Variants in GRM7 observed in about 807,000 individuals in gnomAD.
The protein encoded by GRM7 is metabotropic glutamate receptor 7.
In GRM7, 35 loss-of-function variants were observed where a neutral mutation model predicts 84.5. The ratio of observed to expected loss-of-function variants is 0.41; its 90% CI spans 0.32 to 0.55. The LOEUF is 0.55. Among genes scored for constraint, GRM7 ranks in the 20% least tolerant of loss-of-function variants. The pLI is 0.19. For synonymous variants in GRM7, 487 were observed against 455.1 expected (o/e 1.07, Z -0.89); for missense variants, 1,003 against 1,194.6 (o/e 0.84, Z 2.36).
intron 1 of GRM7, among the ~76,000 whole-genome samples, chr3:7,093,507 G>A (rs754636064): frequency 1.3e-5 from 2 of 150,886 alleles, no homozygotes; most frequent in Non-Finnish European, 3.0e-5. Flanking sequence ...GTGAAACCCC[G>A]TCTCTAATAA....
At chr3:7,481,838 A>G (rs1324437845) in intron 7 of GRM7, among the ~76,000 whole-genome samples, 1 of 152,240 alleles carries the variant, frequency 6.6e-6, no homozygotes, top group African/African-American at 2.4e-5. Context: ...TGTGCACTGC[A>G]GAAAGCATAG....
At chr3:6,920,738 C>G (rs1697096767) in intron 1 of GRM7, among the ~76,000 whole-genome samples, 1 of 152,112 alleles carries the variant, frequency 6.6e-6, no homozygotes, top group Admixed American at 6.5e-5. Flanking sequence ...GGGTCTCCTT[C>G]TCCTTTTGGA....
intron 1 of GRM7, among the ~76,000 whole-genome samples, chr3:7,010,296 C>CA (rs1559382082): frequency 1.3e-5 from 2 of 151,932 alleles, no homozygotes; most frequent in South Asian, 2.1e-4. Context: ...ACTAAAAATA[C>CA]AAAAAAAATT....
intron 4 of GRM7, among the ~76,000 whole-genome samples, chr3:7,317,980 TGAA>T (rs1468426838): frequency 2.0e-5 from 3 of 151,948 alleles, no homozygotes; most frequent in Non-Finnish European, 4.4e-5. Flanking sequence ...GAGGAGAGTT[TGAA>T]GAAGAACAAG....
chr3:7,585,058 C>A (rs1348936976), intron 8 of GRM7, among the ~76,000 whole-genome samples: 1 of 152,136 alleles, frequency 6.6e-6, no homozygotes, highest in African/African-American at 2.4e-5. Flanking sequence ...TCTCTTCTAG[C>A]ATGCTTAGTA....
intron 3 of GRM7, among the ~76,000 whole-genome samples, chr3:7,303,577 A>T (rs1328068387): frequency 6.6e-6 from 1 of 152,130 alleles, no homozygotes; most frequent in African/African-American, 2.4e-5. Context: ...GCACTACAGC[A>T]TCAAGTATTT....
intron 5 of GRM7, among the ~76,000 whole-genome samples, chr3:7,446,737 G>T (rs1322699833): frequency 6.6e-6 from 1 of 152,030 alleles, no homozygotes; most frequent in African/African-American, 2.4e-5. Context: ...TGGGATTACT[G>T]GCGTGAGCTA....
At chr3:6,902,733 G>T (rs1447992078) in intron 1 of GRM7, among the ~76,000 whole-genome samples, 1 of 152,052 alleles carries the variant, frequency 6.6e-6, no homozygotes, top group Non-Finnish European at 1.5e-5. Context: ...CATCCAAGCA[G>T]TGTCTACTTG....
At chr3:7,669,384 A>C (rs1699833667) in intron 8 of GRM7, among the ~76,000 whole-genome samples, 1 of 152,196 alleles carries the variant, frequency 6.6e-6, no homozygotes, top group Admixed American at 6.5e-5. Flanking sequence ...ACATGTGCAA[A>C]GGGCTTAAGG....
chr3:7,658,877 T>G (rs2125121293), intron 8 of GRM7, among the ~76,000 whole-genome samples: 1 of 152,306 alleles, frequency 6.6e-6, no homozygotes, highest in Admixed American at 6.5e-5. Context: ...CAATTCTAAT[T>G]TATAAAAAGA....
intron 9 of GRM7, among the ~76,000 whole-genome samples, chr3:7,683,710 A>C (rs954532757): frequency 2.0e-5 from 3 of 152,252 alleles, no homozygotes; most frequent in African/African-American, 7.2e-5. Flanking sequence ...TTTGAAATAT[A>C]GCTACTCAAC....
At chr3:7,130,710 C>G (rs556142375) in intron 1 of GRM7, among the ~76,000 whole-genome samples, 1 of 152,048 alleles carries the variant, frequency 6.6e-6, no homozygotes, top group Non-Finnish European at 1.5e-5. Flanking sequence ...AGCAGTCAAC[C>G]TAAAATGCAA....
At chr3:7,316,443 G>A (rs9829141) in intron 4 of GRM7, among the ~76,000 whole-genome samples, 9,201 of 152,010 alleles carry the variant, frequency 0.061, 733 homozygotes, top group African/African-American at 0.18. Flanking sequence ...AACAACCACC[G>A]CAACAAAAAA....
intron 2 of GRM7, among the ~76,000 whole-genome samples, chr3:7,202,400 G>A (rs1259421612): frequency 6.6e-6 from 1 of 151,988 alleles, no homozygotes; most frequent in African/African-American, 2.4e-5. Context: ...GTGCAATCTC[G>A]GCTTACTGCA....
intron 1 of GRM7, among the ~76,000 whole-genome samples, chr3:6,974,304 T>C (rs987614009): frequency 6.6e-6 from 1 of 152,180 alleles, no homozygotes; most frequent in African/African-American, 2.4e-5. Context: ...TGACATGTTA[T>C]GTTCATCATC....
chr3:6,882,190 A>G (rs1360976692), intron 1 of GRM7, among the ~76,000 whole-genome samples: 1 of 152,188 alleles, frequency 6.6e-6, no homozygotes, highest in Non-Finnish European at 1.5e-5. Context: ...AACTTTTACC[A>G]ATTCCAAATG....
At chr3:7,078,709 A>G (rs1698176231) in intron 1 of GRM7, among the ~76,000 whole-genome samples, 2 of 152,192 alleles carry the variant, frequency 1.3e-5, no homozygotes, top group Non-Finnish European at 2.9e-5. Flanking sequence ...TACTAGGGTC[A>G]TTGCAAATTG....
intron 7 of GRM7, among the ~76,000 whole-genome samples, chr3:7,530,442 C>T (rs1700992369): frequency 6.6e-6 from 1 of 152,070 alleles, no homozygotes; most frequent in African/African-American, 2.4e-5. Flanking sequence ...GATTTATAAT[C>T]CTTTGGGTTT....
At chr3:7,461,192 G>A (rs7642166) in intron 6 of GRM7, among the ~76,000 whole-genome samples, 9 of 152,110 alleles carry the variant, frequency 5.9e-5, no homozygotes, top group African/African-American at 1.7e-4. Flanking sequence ...CTTTACTGAC[G>A]AAAATTTAGT....
Sources: allele counts gnomAD v4.1 joint callset (sites outside exome capture counted in the v4.1 genomes callset), GRCh38; gene constraint gnomAD v4.1.1; transcripts MANE v1.5; gene names NCBI Gene and HGNC (gene_info 2026-07-23, HGNC 2026-07-21).